Variants in CLVS1 observed in about 807,000 individuals in gnomAD.
CLVS1 encodes the protein clavesin 1.
Under a neutral mutation model 33.1 loss-of-function variants are expected in CLVS1, and 10 were observed. That is an observed-to-expected ratio of 0.30 (90% CI 0.19 to 0.51). CLVS1 has a LOEUF of 0.51. Ranked by LOEUF, CLVS1 falls within the 20% of genes least tolerant of loss-of-function variation. CLVS1 has a pLI of 0.97. For missense variants in CLVS1, 343 were observed against 433.4 expected (o/e 0.79, Z 1.85); for synonymous variants, 163 against 166.1 (o/e 0.98, Z 0.14).
In CLVS1 at chr8:61,134,294, G is replaced by T. The variant is rs78338618; in HGVS notation, c.-152+2434G>T. Among the ~76,000 whole-genome samples, 1,334 of 152,304 alleles carry T rather than the reference G, an allele frequency of 8.8e-3. 19 individuals are homozygous for T. Among genetic ancestry groups the T allele is most frequent in the African/African-American group, 0.031 (1,280 of 41,558 alleles). ...TGCCTCAGTGGGGCCCAATTGCCAG[G>T]TGCGCCTCGAAGCCTGAGCATCTGG... On this transcript the variant is annotated intron_variant, in intron 2 of 2. Coordinates refer to the CLVS1 transcript ENST00000522621.
intron 3 of CLVS1, among the ~76,000 whole-genome samples, chr8:61,390,426 G>A (rs997091853): frequency 6.6e-6 from 1 of 152,186 alleles, no homozygotes; most frequent in Non-Finnish European, 1.5e-5. Context: ...TTTGGCCACA[G>A]GAGTTAACTC....
At chr8:61,055,618 T>C (rs973615886), upstream of CLVS1, among the ~76,000 whole-genome samples, 2 of 152,320 alleles carry the variant, frequency 1.3e-5, no homozygotes, top group African/African-American at 4.8e-5. Context: ...GGGACACAAA[T>C]TGCAAGAGAG....
intron 3 of CLVS1, among the ~76,000 whole-genome samples, chr8:61,425,456 A>G (rs1815850975): frequency 6.6e-6 from 1 of 152,210 alleles, no homozygotes; most frequent in South Asian, 2.1e-4. Flanking sequence ...TTATTTAGAC[A>G]TAATTCACAT....
At chr8:61,161,993 C>CAAAA (rs34857935) in intron 2 of CLVS1, among the ~76,000 whole-genome samples, 10 of 70,094 alleles carry the variant, frequency 1.4e-4, no homozygotes, top group South Asian at 1.2e-3. Context: ...TACTTTTTGA[C>CAAAA]AAAAAAAAAA....
chr8:61,139,813 C>T (rs1806273262), intron 2 of CLVS1, among the ~76,000 whole-genome samples: 1 of 152,112 alleles, frequency 6.6e-6, no homozygotes, highest in African/African-American at 2.4e-5. Context: ...CCCTCTGCGG[C>T]CCCGCCATTC....
chr8:61,241,882 G>A (rs1406818597), intron 2 of CLVS1, among the ~76,000 whole-genome samples: 2 of 152,020 alleles, frequency 1.3e-5, no homozygotes, highest in African/African-American at 4.8e-5. Context: ...GATTTAGTTG[G>A]CCTTCATTCC....
chr8:61,341,004 T>C (rs941066881), intron 2 of CLVS1, among the ~76,000 whole-genome samples: 6 of 152,218 alleles, frequency 3.9e-5, no homozygotes, highest in African/African-American at 1.4e-4. Flanking sequence ...TCAGTAGCCA[T>C]GCTGTCAGCT....
chr8:61,456,101 T>A (rs891832992), intron 4 of CLVS1, among the ~76,000 whole-genome samples: 1 of 152,174 alleles, frequency 6.6e-6, no homozygotes, highest in African/African-American at 2.4e-5. Flanking sequence ...CGAGAGAGAA[T>A]TCCTCCCACG....
the CLVS1 span, among the ~76,000 whole-genome samples, chr8:60,969,249 G>A: frequency 1.3e-5 from 2 of 152,192 alleles, no homozygotes; most frequent in Non-Finnish European, 2.9e-5. Context: ...GGTTAGTCAG[G>A]CAGTGTCTGG....
chr8:60,977,203 G>A, the CLVS1 span, among the ~76,000 whole-genome samples: 4 of 152,210 alleles, frequency 2.6e-5, no homozygotes, highest in Admixed American at 6.5e-5. Flanking sequence ...CAATTCCTGA[G>A]ATGTGGGAGA....
Position 61,500,049 on chromosome 8 carries a change from G to A in CLVS1, c.*507G>A, listed in dbSNP as rs944703104. The A allele has an allele frequency of 5.2e-5, 8 of 153,138 alleles. No homozygotes were observed. Among genetic ancestry groups the A allele is most frequent in the Admixed American group, 4.5e-4 (7 of 15,396 alleles). 9.5% of individuals were successfully genotyped at this position (153,138 alleles called of 1,614,324 possible). Reference sequence around the variant, plus strand: ...CCATTCTTACTGAATTATTTCCTTTGACCTCATCACCAGCATCGAATTGTT... The same window carrying A: ...CCATTCTTACTGAATTATTTCCTTTAACCTCATCACCAGCATCGAATTGTT... On this transcript the variant is annotated 3_prime_UTR_variant, in exon 6 of 6. Coordinates refer to ENST00000325897, the MANE Select transcript of CLVS1 (RefSeq NM_173519.3).
chr8:61,440,553 A>C (rs1412305104), intron 3 of CLVS1, among the ~76,000 whole-genome samples: 1 of 152,182 alleles, frequency 6.6e-6, no homozygotes, highest in Non-Finnish European at 1.5e-5. Flanking sequence ...CCATGATCTT[A>C]TTTGAATTGT....
intron 2 of CLVS1, among the ~76,000 whole-genome samples, chr8:61,150,914 T>C (rs908565502): frequency 1.3e-5 from 2 of 152,140 alleles, no homozygotes; most frequent in African/African-American, 4.8e-5. Context: ...AAAAGCTACC[T>C]GCAGCAGGTG....
chr8:61,459,101 A>G (rs1222323442), intron 5 of CLVS1, among the ~76,000 whole-genome samples: 1 of 152,138 alleles, frequency 6.6e-6, no homozygotes, highest in Non-Finnish European at 1.5e-5. Context: ...GAAATGGCAT[A>G]TAGCAATCCA....
intron 2 of CLVS1, among the ~76,000 whole-genome samples, chr8:61,171,389 G>T (rs2129298508): frequency 6.6e-6 from 1 of 152,242 alleles, no homozygotes; most frequent in African/African-American, 2.4e-5. Context: ...CACAGCAGGG[G>T]TTATTCATAT....
At position 61,092,439 on chromosome 8, in the gene CLVS1, G is replaced by A. The variant is rs117067779; in HGVS notation, c.-243+35209G>A. Among the ~76,000 whole-genome samples, 688 of 152,318 alleles carry A rather than the reference G, an allele frequency of 4.5e-3. 6 individuals carry two copies. Among genetic ancestry groups the A allele is most frequent in the Admixed American group, 6.9e-3 (106 of 15,286 alleles). The stretch of plus-strand genomic sequence containing the variant: ...CCGCTGCTGTAAAGTCACCATAAAC[G>A]CAGTGGCTTATAACAACACAAATTT... On this transcript the variant is annotated intron_variant, in intron 1 of 2. Coordinates refer to the CLVS1 transcript ENST00000522621.
intron 2 of CLVS1, among the ~76,000 whole-genome samples, chr8:61,193,300 C>T (rs918895830): frequency 6.6e-6 from 1 of 152,074 alleles, no homozygotes. Flanking sequence ...TGTTCTCACT[C>T]ATAGGTGGGA....
intron 2 of CLVS1, among the ~76,000 whole-genome samples, chr8:61,369,550 C>G (rs763152828): frequency 6.6e-6 from 1 of 152,190 alleles, no homozygotes; most frequent in African/African-American, 2.4e-5. Context: ...TCCCTATTGT[C>G]CTGCTACTAT....
At chr8:61,339,167 T>G (rs1238768774) in intron 2 of CLVS1, among the ~76,000 whole-genome samples, 1 of 151,998 alleles carries the variant, frequency 6.6e-6, no homozygotes, top group Non-Finnish European at 1.5e-5. Context: ...GCTGCTATTG[T>G]GGGGGTCCTC....
Sources: allele counts gnomAD v4.1 joint callset (sites outside exome capture counted in the v4.1 genomes callset), GRCh38; gene constraint gnomAD v4.1.1; transcripts MANE v1.5; gene names NCBI Gene and HGNC (gene_info 2026-07-23, HGNC 2026-07-21).